CRTC3: variants seen among roughly 807,000 people sequenced by gnomAD.
CRTC3 encodes the protein CREB-regulated transcription coactivator 3.
Under a neutral mutation model 74.5 loss-of-function variants are expected in CRTC3, and 26 were observed. The observed-to-expected ratio is 0.35, with a 90% CI of 0.26 to 0.48. The LOEUF (loss-of-function observed/expected upper bound fraction) is 0.48, where lower values mean the gene tolerates loss of function less well. CRTC3 is among the 20% of genes least tolerant of loss of function. CRTC3 has a pLI of 0.99. For synonymous variants in CRTC3, 377 were observed against 325.8 expected (o/e 1.16, Z -1.69); for missense variants, 760 against 787.3 (o/e 0.97, Z 0.41).
In CRTC3 at chr15:90,642,690, G is replaced by A. The variant is rs1461371980; in HGVS notation, c.*550G>A. 4.3e-6 allele frequency: 1 copy of A among 232,444 alleles called. No individual in the cohort carries two copies. 14.4% of individuals were successfully genotyped at this position (232,444 alleles called of 1,614,324 possible). The stretch of plus-strand genomic sequence containing the variant: ...CTCTCCCACGCCTGGATTACGACAT[G>A]AAGTTTTTACCACAAGCCCGAGGGC... On this transcript the variant is annotated 3_prime_UTR_variant, in exon 15 of 15. Transcript: ENST00000268184.
chr15:90,535,547 G>A (rs1966705322), intron 1 of CRTC3, among the ~76,000 whole-genome samples: 1 of 152,174 alleles, frequency 6.6e-6, no homozygotes, highest in Non-Finnish European at 1.5e-5. Flanking sequence ...CCAGAAGTTT[G>A]GCTGTGAAGA....
chr15:90,624,525 G>A (rs896172123), intron 9 of CRTC3, among the ~76,000 whole-genome samples: 9 of 152,000 alleles, frequency 5.9e-5, no homozygotes, highest in Non-Finnish European at 1.3e-4. Context: ...GCCATGCCCA[G>A]CTACTCTTAA....
intron 2 of CRTC3, among the ~76,000 whole-genome samples, chr15:90,547,883 C>T (rs77611340): frequency 0.14 from 18,372 of 134,454 alleles, 1,570 homozygotes; most frequent in African/African-American, 0.26. Context: ...TGTAGCTTTT[C>T]GTATCCTTTT....
Position 90,530,411 on chromosome 15 carries a change from AG to A in CRTC3, c.132+210del, listed in dbSNP as rs1966606795. 6.1e-6 allele frequency: 1 copy of A among 163,174 alleles called. No homozygotes were observed. The highest frequency in any genetic ancestry group is 2.4e-5 in the African/African-American group (1 of 41,492). 10.1% of individuals were successfully genotyped at this position (163,174 alleles called of 1,614,324 possible). A position where few individuals can be genotyped will look rare whatever the true frequency, so the allele number is the denominator to read the frequency against. On this transcript the variant is annotated intron_variant, in intron 1 of 14. Coordinates refer to ENST00000268184, the MANE Select transcript of CRTC3 (RefSeq NM_022769.5). This position sits in a 1 kb window ranked among gnomAD's most constrained non-coding sequence, Gnocchi z 6.2. ...GCTAGCCGTTCGCGATCCCGGGCTG[AG>A]GTGGGAGGGTCGCCCGGCCCCGTGT...
chr15:90,559,569 T>C (rs1310807753), intron 2 of CRTC3, among the ~76,000 whole-genome samples: 2 of 152,360 alleles, frequency 1.3e-5, no homozygotes, highest in Non-Finnish European at 2.9e-5. Flanking sequence ...ATTATTTTCA[T>C]GTATATTTTC....
chr15:90,532,414 G>A (rs563838330), intron 1 of CRTC3, among the ~76,000 whole-genome samples: 14 of 152,164 alleles, frequency 9.2e-5, no homozygotes, highest in Admixed American at 6.5e-5. Context: ...TTGGTAACTG[G>A]GTGGCAGATA....
In CRTC3 at chr15:90,643,085, A is replaced by AC. The variant is rs549446448; in HGVS notation, c.*951dup. On this transcript the variant is annotated 3_prime_UTR_variant, in exon 15 of 15. Transcript: ENST00000268184. ...CTCTGTGGGCTGGGAGTCTAATGTC[A>AC]CCCCCCTAGACCGTAAGCTCCTTGA... is the stretch of plus-strand genomic sequence containing the variant. 1,235 of 231,524 alleles carry AC rather than the reference A, an allele frequency of 5.3e-3. 22 individuals are homozygous for AC. The highest frequency in any genetic ancestry group is 8.2e-3 in the Non-Finnish European group (958 of 117,252). The allele number at this position is 231,524 out of a possible 1,614,324, so 14.3% of individuals were successfully genotyped here. A position where few individuals can be genotyped will look rare whatever the true frequency, so the allele number is the denominator to read the frequency against.
rs749713697 is a variant in CRTC3, at chr15:90,629,238, C to T, written c.972C>T (p.Leu324=). 1.9e-6 allele frequency: 3 copies of T among 1,610,818 alleles called. No homozygotes were observed. Among genetic ancestry groups the T allele is most frequent in the African/African-American group, 1.3e-5 (1 of 74,964 alleles). Residue 324 remains leucine (L), a synonymous_variant, in exon 11 of 15, where the codon CTC becomes CTT. Transcript: ENST00000268184. The stretch of plus-strand genomic sequence containing the variant: ...TGTGAATTTGTTGTCTTCCAGGTCT[C>T]CAGAGTTCTCGGAGTAACCCCTCCA... ...THLGIRSSSG[L]QSSRSNPSIQ... is the part of the protein sequence containing the mutation.
At chr15:90,565,038 G>C (rs1369131514) in intron 2 of CRTC3, among the ~76,000 whole-genome samples, 3 of 152,148 alleles carry the variant, frequency 2.0e-5, no homozygotes, top group Admixed American at 6.5e-5. Context: ...TGCCTCCCGG[G>C]TTCAAGCGAT....
In CRTC3 at chr15:90,530,209, G is replaced by A; in HGVS notation, c.132+6G>A. The A allele has an allele frequency of 8.5e-7, 1 of 1,172,118 alleles. No individual in the cohort carries two copies. The allele number at this position is 1,172,118 out of a possible 1,614,324, so 72.6% of individuals were successfully genotyped here. A position where few individuals can be genotyped will look rare whatever the true frequency, so the allele number is the denominator to read the frequency against. On this transcript the variant is annotated splice_donor_region_variant and intron_variant, in intron 1 of 14. Coordinates refer to ENST00000268184, the MANE Select transcript of CRTC3 (RefSeq NM_022769.5). The surrounding 1 kb of genome is among the most constrained non-coding windows in gnomAD (Gnocchi z 6.2). ...CCGACCTCACCCTGTCGCGGGTGAG[G>A]GCCCGGGCCGGCGCGGGCGGGGGCG...
chr15:90,609,141 C>G (rs1394793244), intron 6 of CRTC3, among the ~76,000 whole-genome samples: 1 of 152,116 alleles, frequency 6.6e-6, no homozygotes, highest in Non-Finnish European at 1.5e-5. Flanking sequence ...TATATTTGTT[C>G]TATTGGTGCA....
At chr15:90,546,030 G>C (rs919302790) in intron 2 of CRTC3, among the ~76,000 whole-genome samples, 1 of 152,160 alleles carries the variant, frequency 6.6e-6, no homozygotes, top group African/African-American at 2.4e-5. Flanking sequence ...GTCTCGAAGA[G>C]TAGAAGTTTT....
chr15:90,636,993 T>G (rs1260298189), intron 11 of CRTC3, among the ~76,000 whole-genome samples: 3 of 152,228 alleles, frequency 2.0e-5, no homozygotes, highest in African/African-American at 7.2e-5. Context: ...GAAGTCAGTG[T>G]GGCGATTCCT....
chr15:90,608,027 AG>A (rs1411792512), intron 6 of CRTC3, among the ~76,000 whole-genome samples: 1 of 151,106 alleles, frequency 6.6e-6, no homozygotes, highest in Non-Finnish European at 1.5e-5. Context: ...CCCTGGGAGG[AG>A]GGGTCAGGCA....
intron 2 of CRTC3, among the ~76,000 whole-genome samples, chr15:90,590,351 C>A (rs1967771347): frequency 6.6e-6 from 1 of 151,732 alleles, no homozygotes; most frequent in Admixed American, 6.6e-5. Context: ...CAGATATAAC[C>A]ATGTAAGAAC....
chr15:90,567,439 C>T (rs35635063), intron 2 of CRTC3, among the ~76,000 whole-genome samples: 101,833 of 151,970 alleles, frequency 0.67, 35,417 homozygotes, highest in Non-Finnish European at 0.77. Context: ...ATAATCCCAG[C>T]ACTTTGGGAG....
intron 1 of CRTC3, among the ~76,000 whole-genome samples, chr15:90,532,460 C>T (rs1275370453): frequency 2.0e-5 from 3 of 152,082 alleles, no homozygotes; most frequent in East Asian, 3.9e-4. Flanking sequence ...GACAGACATG[C>T]TAATTCCTGA....
At position 90,642,083 on chromosome 15, in the gene CRTC3, C is replaced by A. The variant is rs751828270; in HGVS notation, c.1803C>A (p.Ser601=). ...SLDGLNMLSD[S]SMGLLDPSVE... Reference sequence around the variant, plus strand: ...ACGGACTCAACATGTTAAGTGACTCCAGCATGGGCCTGCTGGACCCCTCTG... The same window carrying A: ...ACGGACTCAACATGTTAAGTGACTCAAGCATGGGCCTGCTGGACCCCTCTG... Residue 601 remains serine (S), a synonymous_variant, in exon 15 of 15, where the codon TCC becomes TCA. Coordinates refer to ENST00000268184, the MANE Select transcript of CRTC3 (RefSeq NM_022769.5). 10 of 1,613,944 alleles carry A rather than the reference C, an allele frequency of 6.2e-6. No individual in the cohort carries two copies. Among genetic ancestry groups the A allele is most frequent in the Non-Finnish European group, 8.5e-6 (10 of 1,180,036 alleles).
intron 2 of CRTC3, among the ~76,000 whole-genome samples, chr15:90,551,930 GCACACACACACACGCACA>G (rs1368180136): frequency 6.4e-5 from 6 of 93,794 alleles, no homozygotes; most frequent in South Asian, 3.0e-4. Context: ...TTACACACAC[GCACACACACACACGCACA>G]CACACACACA....
Sources: gnomAD v4.1 joint callset for allele counts (sites outside exome capture counted in the v4.1 genomes callset) on GRCh38, gnomAD v4.1.1 for gene constraint, Gnocchi (gnomAD v3.1) non-coding constraint, MANE v1.5 for transcripts, NCBI Gene and HGNC (gene_info 2026-07-23, HGNC 2026-07-21) for gene names.